Variants in FER1L6 observed in about 807,000 individuals in gnomAD.
FER1L6 encodes the protein fer-1 like family member 6, also known as fer-1-like protein 6.
FER1L6 carries 177 observed loss-of-function variants against 219.2 expected under a neutral mutation model. The ratio of observed to expected loss-of-function variants is 0.81; its 90% CI spans 0.71 to 0.91. FER1L6 has a LOEUF of 0.91. FER1L6 is among the 40% of genes least tolerant of loss of function. FER1L6 has a pLI of 0.00. For synonymous variants in FER1L6, 768 were observed against 824.3 expected (o/e 0.93, Z 1.17); for missense variants, 2,153 against 2,259.9 (o/e 0.95, Z 0.96).
At chr8:124,013,373 T>G in intron 14 of FER1L6, 58 bp from the exon 15 acceptor site, 1 of 988,652 alleles carries the variant, frequency 1.0e-6, no homozygotes, top group Non-Finnish European at 1.5e-6. Flanking sequence ...AATTAGTATC[T>G]CTACTACCAA....
chr8:123,872,924 A>G (rs2130280084), intron 1 of FER1L6, among the ~76,000 whole-genome samples: 1 of 152,316 alleles, frequency 6.6e-6, no homozygotes. Flanking sequence ...TGTTGGTCTC[A>G]TTCACACTGC....
intron 39 of FER1L6, among the ~76,000 whole-genome samples, chr8:124,107,693 A>C (rs1822838190): frequency 6.6e-6 from 1 of 152,146 alleles, no homozygotes; most frequent in South Asian, 2.1e-4. Context: ...ACTGGGCCTT[A>C]AGTGAGACAT....
chr8:123,944,471 T>C (rs749737487), intron 1 of FER1L6, among the ~76,000 whole-genome samples: 25 of 151,846 alleles, frequency 1.6e-4, no homozygotes, highest in Non-Finnish European at 3.4e-4. Flanking sequence ...ACTGAGCAAG[T>C]TGCCTAACCT....
intron 37 of FER1L6, among the ~76,000 whole-genome samples, chr8:124,098,234 T>C (rs1047936833): frequency 1.3e-5 from 2 of 152,238 alleles, no homozygotes; most frequent in Non-Finnish European, 2.9e-5. Flanking sequence ...GAACAGATTG[T>C]GAAGCTAATG....
chr8:124,103,139 T>C lies in FER1L6; in HGVS notation c.5126-7T>C. Reference sequence around the variant, plus strand: ...CTTCCCTAACTGTTAGGGTCATCTCTCCACAGGCACCCTGGAAATGAACCT... The same window carrying C: ...CTTCCCTAACTGTTAGGGTCATCTCCCCACAGGCACCCTGGAAATGAACCT... On this transcript the variant is annotated splice_polypyrimidine_tract_variant and splice_region_variant and intron_variant, in intron 38 of 40. Coordinates refer to ENST00000522917, the MANE Select transcript of FER1L6 (RefSeq NM_001039112.2). 2 of 1,613,504 alleles carry C rather than the reference T, an allele frequency of 1.2e-6. No homozygotes were observed. The highest frequency in any genetic ancestry group is 1.7e-6 in the Non-Finnish European group (2 of 1,179,760).
At chr8:124,061,756 A>C (rs1820589917) in intron 24 of FER1L6, 96 bp from the exon 25 acceptor site, 2 of 1,225,102 alleles carry the variant, frequency 1.6e-6, no homozygotes, top group Non-Finnish European at 2.3e-6. Context: ...ACAGAATGGC[A>C]AGGCAGAGAC....
chr8:124,013,412 C>A lies in FER1L6; in HGVS notation c.1822-19C>A. 6.6e-7 allele frequency: 1 copy of A among 1,518,046 alleles called. No individual in the cohort carries two copies. The highest frequency in any genetic ancestry group is 9.0e-7 in the Non-Finnish European group (1 of 1,105,524). The allele number at this position is 1,518,046 out of a possible 1,614,324, so 94.0% of individuals were successfully genotyped here. A position where few individuals can be genotyped will look rare whatever the true frequency, so the allele number is the denominator to read the frequency against. On this transcript the variant is annotated intron_variant, in intron 14 of 40. Transcript: ENST00000522917. ...CATTACCACCGCCTCATCTCTCCAC[C>A]CCTGTGGTTTGTTTTCAGGAAGAAA...
chr8:124,028,503 A>G (rs889932718), intron 18 of FER1L6, among the ~76,000 whole-genome samples: 4 of 120,850 alleles, frequency 3.3e-5, no homozygotes, highest in Non-Finnish European at 6.7e-5. Flanking sequence ...CACTCACTCC[A>G]GTTTTTTAGC....
chr8:123,898,801 A>ACATATATACGTATC (rs1812804678), intron 1 of FER1L6, among the ~76,000 whole-genome samples: 1 of 70,132 alleles, frequency 1.4e-5, no homozygotes, highest in Non-Finnish European at 3.9e-5. Context: ...ATATACATAT[A>ACATATATACGTATC]TACACATATA....
chr8:124,099,881 C>G (rs1422764727), intron 37 of FER1L6, among the ~76,000 whole-genome samples: 1 of 152,134 alleles, frequency 6.6e-6, no homozygotes, highest in African/African-American at 2.4e-5. Context: ...TTTCTTCTTC[C>G]ACGGGGCCTT....
intron 12 of FER1L6, among the ~76,000 whole-genome samples, chr8:123,998,064 G>T (rs771852033): frequency 2.0e-5 from 3 of 152,138 alleles, no homozygotes; most frequent in Admixed American, 6.5e-5. Flanking sequence ...CTTGATGCTT[G>T]TGGATATTAT....
intron 39 of FER1L6, among the ~76,000 whole-genome samples, chr8:124,117,118 T>C (rs924637627): frequency 6.6e-6 from 1 of 152,262 alleles, no homozygotes; most frequent in Non-Finnish European, 1.5e-5. Context: ...CAGCCTGCTA[T>C]AATGGAAAGA....
intron 10 of FER1L6, 63 bp downstream of exon 10, chr8:123,977,672 T>G (rs765847374): frequency 8.7e-6 from 13 of 1,490,660 alleles, no homozygotes; most frequent in African/African-American, 1.4e-5. Flanking sequence ...GCCCTCATCT[T>G]TAAAAGGGGT....
Position 123,975,164 on chromosome 8 carries a change from A to G in FER1L6, c.541A>G (p.Asn181Asp), listed in dbSNP as rs77810887. 3,921 of 1,604,622 alleles carry G rather than the reference A, an allele frequency of 2.4e-3. 72 individuals carry two copies. In the African/African-American group the frequency reaches 0.047, roughly 19 times the overall value. The part of the protein sequence containing the change: ...VYNQPGHQFC[N>D]KWALLTDPGD... ...TGCTTTCACAGGTCATCAGTTCTGCAACAAGTGGGCCCTGCTCACAGACCC... is the reference window on the plus strand; with the variant it reads ...TGCTTTCACAGGTCATCAGTTCTGCGACAAGTGGGCCCTGCTCACAGACCC... Residue 181 changes from asparagine (N) to aspartate (D), a missense_variant, in exon 8 of 41, where the codon AAC (asparagine) becomes GAC (aspartate). Physicochemically the swap from Asn to Asp is conservative, Grantham distance 23. Coordinates refer to ENST00000522917, the MANE Select transcript of FER1L6 (RefSeq NM_001039112.2).
Position 124,079,464 on chromosome 8 carries a change from A to G in FER1L6, c.4221-2824A>G, listed in dbSNP as rs929968141. Among the ~76,000 whole-genome samples the G allele has an allele frequency of 8.7e-4, 6 of 6,892 alleles. No individual in the cohort carries two copies. The East Asian group carries it at 8.8e-3, about 10-fold the overall frequency. The allele number at this position is 6,892 out of a possible 152,430, so 4.5% of individuals were successfully genotyped here. The stretch of plus-strand genomic sequence containing the variant: ...TAATTGTGGATGTTAATTACATCTA[A>G]AAAAATGCCACCATAGCAACACCTG... On this transcript the variant is annotated intron_variant, in intron 32 of 40. Transcript: ENST00000522917.
At position 124,119,891 on chromosome 8, in the gene FER1L6, T is replaced by C; in HGVS notation, c.*101T>C. On this transcript the variant is annotated 3_prime_UTR_variant, in exon 41 of 41. Coordinates refer to ENST00000522917, the MANE Select transcript of FER1L6 (RefSeq NM_001039112.2). ...CCATGCATGGCACTGTGCTGAGTGCTAAGGGGACAGATCAACCCTTCTTGG... is the reference window on the plus strand; with the variant it reads ...CCATGCATGGCACTGTGCTGAGTGCCAAGGGGACAGATCAACCCTTCTTGG... 1 of 1,225,430 alleles carries C rather than the reference T, an allele frequency of 8.2e-7. No homozygotes were observed. 75.9% of individuals were successfully genotyped at this position (1,225,430 alleles called of 1,614,324 possible).
At chr8:124,115,495 G>A (rs1424559794) in intron 39 of FER1L6, among the ~76,000 whole-genome samples, 3 of 152,070 alleles carry the variant, frequency 2.0e-5, no homozygotes, top group Non-Finnish European at 4.4e-5. Context: ...CCTATCTCTA[G>A]GACAGAAGTA....
At chr8:123,901,560 C>A (rs754707918) in intron 1 of FER1L6, among the ~76,000 whole-genome samples, 17 of 146,778 alleles carry the variant, frequency 1.2e-4, no homozygotes, top group Non-Finnish European at 2.3e-4. Flanking sequence ...TGGTTTGGTT[C>A]TTGTTTCTCT....
At chr8:124,012,311 A>G (rs1817975463) in intron 14 of FER1L6, among the ~76,000 whole-genome samples, 1 of 152,266 alleles carries the variant, frequency 6.6e-6, no homozygotes, top group Non-Finnish European at 1.5e-5. Context: ...GTCTGGGGTC[A>G]CAGCACATGG....
Sources: gnomAD v4.1 joint callset for allele counts (sites outside exome capture counted in the v4.1 genomes callset) on GRCh38, gnomAD v4.1.1 for gene constraint, MANE v1.5 for transcripts, NCBI Gene and HGNC (gene_info 2026-07-23, HGNC 2026-07-21) for gene names.